TAFA2: variants seen among roughly 807,000 people sequenced by gnomAD.
TAFA2 encodes the protein chemokine-like protein TAFA-2.
Under a neutral mutation model 18.8 loss-of-function variants are expected in TAFA2, and 7 were observed. The observed-to-expected ratio is 0.37, with a 90% CI of 0.21 to 0.70. The LOEUF (loss-of-function observed/expected upper bound fraction) is 0.70, where lower values mean the gene tolerates loss of function less well. Ranked by LOEUF, TAFA2 falls within the 30% of genes least tolerant of loss-of-function variation. TAFA2 has a pLI of 0.53. For missense variants in TAFA2, 122 were observed against 158.1 expected (o/e 0.77, Z 1.23); for synonymous variants, 60 against 54.2 (o/e 1.11, Z -0.47).
intron 1 of TAFA2, among the ~76,000 whole-genome samples, chr12:62,028,250 A>T (rs1301718058): frequency 1.1e-4 from 17 of 152,124 alleles, no homozygotes; most frequent in Admixed American, 1.1e-3. Context: ...CTCCTGTGGT[A>T]AGCTGAGTTA....
At chr12:61,843,240 C>A (rs1438804443) in intron 2 of TAFA2, among the ~76,000 whole-genome samples, 5 of 151,958 alleles carry the variant, frequency 3.3e-5, no homozygotes, top group Non-Finnish European at 5.9e-5. Context: ...GACCCCTGAG[C>A]CAGATAAAGA....
chr12:61,932,493 G>A (rs1007769660), intron 1 of TAFA2, among the ~76,000 whole-genome samples: 1 of 152,172 alleles, frequency 6.6e-6, no homozygotes, highest in Non-Finnish European at 1.5e-5. Flanking sequence ...AGGCTGGAGT[G>A]CAGTGGTGCT....
intron 2 of TAFA2, among the ~76,000 whole-genome samples, chr12:61,764,228 AT>A (rs1869687674): frequency 1.0e-5 from 1 of 98,812 alleles, no homozygotes. Flanking sequence ...TAGATGATTG[AT>A]TGATAGATAG....
intron 1 of TAFA2, among the ~76,000 whole-genome samples, chr12:61,951,972 A>G (rs1011382227): frequency 1.3e-5 from 2 of 152,188 alleles, no homozygotes; most frequent in African/African-American, 2.4e-5. Context: ...TAATTACCAA[A>G]GATCGCCAAG....
At chr12:62,198,666 T>C (rs1198521590) in intron 1 of TAFA2, among the ~76,000 whole-genome samples, 1 of 152,220 alleles carries the variant, frequency 6.6e-6, no homozygotes, top group Non-Finnish European at 1.5e-5. Flanking sequence ...CTCACTTATC[T>C]TTTAAATGTT....
At chr12:61,804,805 G>A (rs777210688) in intron 2 of TAFA2, among the ~76,000 whole-genome samples, 3 of 151,934 alleles carry the variant, frequency 2.0e-5, no homozygotes, top group Non-Finnish European at 4.4e-5. Context: ...CTTTTCAAAT[G>A]AGGAAAGTAA....
intron 1 of TAFA2, among the ~76,000 whole-genome samples, chr12:62,218,549 T>C (rs1212918534): frequency 2.6e-5 from 4 of 152,196 alleles, no homozygotes; most frequent in Non-Finnish European, 2.9e-5. Context: ...GTTTGCCTCC[T>C]GTGAAAATTC....
intron 1 of TAFA2, among the ~76,000 whole-genome samples, chr12:62,009,344 T>A (rs576447342): frequency 6.6e-6 from 1 of 152,208 alleles, no homozygotes; most frequent in Non-Finnish European, 1.5e-5. Context: ...CTTTCTTAGA[T>A]GTATTCATTT....
chr12:61,773,176 A>G (rs1255635110), intron 2 of TAFA2, among the ~76,000 whole-genome samples: 1 of 152,042 alleles, frequency 6.6e-6, no homozygotes, highest in Non-Finnish European at 1.5e-5. Flanking sequence ...TACAAGGAAA[A>G]CTACAAAACA....
chr12:62,153,887 C>T (rs2062347923), intron 1 of TAFA2, among the ~76,000 whole-genome samples: 1 of 150,970 alleles, frequency 6.6e-6, no homozygotes, highest in African/African-American at 2.4e-5. Flanking sequence ...TTGGAGTGAG[C>T]ACAGTGTCTA....
At chr12:62,150,082 G>C (rs1592367538) in intron 1 of TAFA2, among the ~76,000 whole-genome samples, 1 of 152,238 alleles carries the variant, frequency 6.6e-6, no homozygotes, top group East Asian at 1.9e-4. Context: ...ATGGGGCAGG[G>C]GTACATTCAG....
At chr12:61,922,105 TAGAAG>T (rs1439333775) in intron 1 of TAFA2, among the ~76,000 whole-genome samples, 2 of 137,984 alleles carry the variant, frequency 1.4e-5, no homozygotes, top group African/African-American at 6.8e-5. Context: ...CGATTTTGTG[TAGAAG>T]AGGAGAGCAA....
chr12:61,918,245 CTTAT>C lies in TAFA2; in HGVS notation c.-1-50823_-1-50820del, dbSNP rs567623426. On this transcript the variant is annotated intron_variant, in intron 1 of 4. Coordinates refer to ENST00000416284, the MANE Select transcript of TAFA2 (RefSeq NM_178539.5). The stretch of plus-strand genomic sequence containing the variant: ...TAGTCCTCCCTAACAAATACTAGGT[CTTAT>C]TTATTGTTTTTAACTACTTTTTGTT... 8.5e-5 allele frequency among the ~76,000 whole-genome samples: 13 copies of C among 152,156 alleles called. No homozygotes were observed. In the South Asian group the frequency reaches 2.7e-3, roughly 32 times the overall value.
chr12:61,881,873 G>C (rs1436883821), intron 1 of TAFA2, among the ~76,000 whole-genome samples: 1 of 151,826 alleles, frequency 6.6e-6, no homozygotes, highest in African/African-American at 2.4e-5. Flanking sequence ...TTTCTGAGTA[G>C]GTAGCACTTT....
intron 2 of TAFA2, among the ~76,000 whole-genome samples, chr12:61,788,539 G>A (rs555807014): frequency 6.6e-6 from 1 of 151,340 alleles, no homozygotes; most frequent in South Asian, 2.1e-4. Context: ...AGCTAAAAAA[G>A]GAATAATAAA....
chr12:62,129,270 C>T (rs918162090), intron 1 of TAFA2, among the ~76,000 whole-genome samples: 3 of 151,982 alleles, frequency 2.0e-5, no homozygotes, highest in African/African-American at 7.2e-5. Flanking sequence ...TCTTTCAATA[C>T]CATACCACCT....
intron 1 of TAFA2, among the ~76,000 whole-genome samples, chr12:61,995,286 G>T (rs1043701977): frequency 3.9e-5 from 6 of 151,930 alleles, no homozygotes; most frequent in Non-Finnish European, 8.8e-5. Flanking sequence ...GAGCCTTTAC[G>T]CTTCCTATAC....
At chr12:61,748,542 C>T (rs1019314480) in intron 4 of TAFA2, among the ~76,000 whole-genome samples, 1 of 152,082 alleles carries the variant, frequency 6.6e-6, no homozygotes, top group Non-Finnish European at 1.5e-5. Flanking sequence ...CTTTTTTCCT[C>T]TTGCTGTGTA....
chr12:62,104,817 T>C (rs974374079), intron 1 of TAFA2: 17 of 378,204 alleles, frequency 4.5e-5, no homozygotes, highest in South Asian at 3.2e-4. Flanking sequence ...CATCTCTTTA[T>C]GACAAGGTGA....
Sources: gnomAD v4.1 joint callset for allele counts (sites outside exome capture counted in the v4.1 genomes callset) on GRCh38, gnomAD v4.1.1 for gene constraint, MANE v1.5 for transcripts, NCBI Gene and HGNC (gene_info 2026-07-23, HGNC 2026-07-21) for gene names.